NRG1: variants seen among roughly 807,000 people sequenced by gnomAD.
The protein encoded by NRG1 is neuregulin 1.
Under a neutral mutation model 63.8 loss-of-function variants are expected in NRG1, and 18 were observed. The observed-to-expected ratio is 0.28, with a 90% CI of 0.19 to 0.42. NRG1 has a LOEUF of 0.42. Among genes scored for constraint, NRG1 ranks in the 10% least tolerant of loss-of-function variants. NRG1 has a pLI of 1.00. For synonymous variants in NRG1, 302 were observed against 301.3 expected (o/e 1.00, Z -0.02); for missense variants, 762 against 814.7 (o/e 0.94, Z 0.79).
At chr8:31,872,812 G>C (rs1000006121) in intron 1 of NRG1, among the ~76,000 whole-genome samples, 2 of 152,174 alleles carry the variant, frequency 1.3e-5, no homozygotes, top group Admixed American at 6.5e-5. Flanking sequence ...AAATAATGAA[G>C]CATAGTTAAC....
At chr8:32,624,725 A>G (rs1027830882) in intron 5 of NRG1, among the ~76,000 whole-genome samples, 3 of 152,186 alleles carry the variant, frequency 2.0e-5, no homozygotes, top group Admixed American at 1.3e-4. Flanking sequence ...ATTTTGAAAG[A>G]AAGTAGAAAA....
rs189365724 is a variant in NRG1 at position 31,658,516 on chromosome 8, G to A, written c.37+19085G>A. Among the ~76,000 whole-genome samples, 107 of 152,294 alleles carry A rather than the reference G, an allele frequency of 7.0e-4. 2 individuals carry two copies. In the East Asian group the frequency reaches 7.7e-3, roughly 11 times the overall value. ...CTTGCTCTGTTGCCCAGGCTGGAGT[G>A]CAGTGGTGCAATCATGGCTCACTAC... On this transcript the variant is annotated intron_variant, in intron 1 of 10. Coordinates refer to the NRG1 transcript ENST00000519301.
chr8:32,522,022 A>ATAC (rs1202380686), intron 1 of NRG1, among the ~76,000 whole-genome samples: 1 of 152,182 alleles, frequency 6.6e-6, no homozygotes, highest in African/African-American at 2.4e-5. Flanking sequence ...AAAGAAGATG[A>ATAC]TACTCTACAA....
At chr8:31,915,383 A>G (rs543416579) in intron 1 of NRG1, among the ~76,000 whole-genome samples, 4 of 152,118 alleles carry the variant, frequency 2.6e-5, no homozygotes, top group Non-Finnish European at 5.9e-5. Context: ...GCTCTGGTAC[A>G]TGCCTCTTTA....
intron 1 of NRG1, among the ~76,000 whole-genome samples, chr8:32,542,111 C>T (rs1035812530): frequency 6.6e-5 from 10 of 152,058 alleles, no homozygotes; most frequent in African/African-American, 2.4e-4. Context: ...TGACACCTCA[C>T]AAGAATCCAA....
At chr8:32,435,210 A>T (rs1487106737) in intron 1 of NRG1, among the ~76,000 whole-genome samples, 2 of 152,148 alleles carry the variant, frequency 1.3e-5, no homozygotes, top group Non-Finnish European at 2.9e-5. Flanking sequence ...TTGGCTCTGG[A>T]TCTGGAAGCT....
chr8:32,487,250 A>T (rs373445271), intron 1 of NRG1, among the ~76,000 whole-genome samples: 17 of 152,186 alleles, frequency 1.1e-4, no homozygotes, highest in African/African-American at 3.9e-4. Flanking sequence ...GGTAAAAACG[A>T]GTTCTGACTA....
intron 1 of NRG1, among the ~76,000 whole-genome samples, chr8:32,364,075 CTTTTTTTT>C (rs932903875): frequency 3.1e-5 from 2 of 65,520 alleles, no homozygotes; most frequent in African/African-American, 6.2e-5. Context: ...TCTGACTAGT[CTTTTTTTT>C]TTTTTTTTTT....
intron 1 of NRG1, among the ~76,000 whole-genome samples, chr8:32,152,505 G>A (rs868829231): frequency 6.6e-6 from 1 of 152,108 alleles, no homozygotes; most frequent in Admixed American, 6.6e-5. Context: ...TTCAGGAGAC[G>A]ATCAATGATT....
chr8:32,022,647 C>T (rs1442255399), intron 1 of NRG1, among the ~76,000 whole-genome samples: 1 of 152,126 alleles, frequency 6.6e-6, no homozygotes, highest in Non-Finnish European at 1.5e-5. Flanking sequence ...CATTAATTGA[C>T]AACTCCATTT....
At chr8:31,977,357 C>T (rs1429496436) in intron 1 of NRG1, among the ~76,000 whole-genome samples, 1 of 152,074 alleles carries the variant, frequency 6.6e-6, no homozygotes, top group Admixed American at 6.6e-5. Flanking sequence ...GCCTTAAAGT[C>T]TAACTTAGTG....
chr8:32,719,107 G>A (rs912113927), intron 5 of NRG1, among the ~76,000 whole-genome samples: 2 of 152,000 alleles, frequency 1.3e-5, no homozygotes, highest in Admixed American at 6.6e-5. Flanking sequence ...CTCCCCTAGA[G>A]TTTCACTGTT....
chr8:31,931,679 A>C (rs966337023), intron 1 of NRG1, among the ~76,000 whole-genome samples: 1 of 152,170 alleles, frequency 6.6e-6, no homozygotes, highest in East Asian at 1.9e-4. Context: ...AACTTGTGAA[A>C]GATTAAACCT....
At chr8:32,108,358 G>A (rs1308056199) in intron 1 of NRG1, among the ~76,000 whole-genome samples, 8 of 152,162 alleles carry the variant, frequency 5.3e-5, no homozygotes, top group Admixed American at 1.3e-4. Flanking sequence ...CCATCATCTG[G>A]TGAGTACTGC....
chr8:31,716,145 T>G lies in NRG1; in HGVS notation c.37+76714T>G, dbSNP rs1057119825. Among the ~76,000 whole-genome samples the G allele has an allele frequency of 8.5e-5, 13 of 152,200 alleles. No individual in the cohort carries two copies. The East Asian group carries it at 2.3e-3, about 27-fold the overall frequency. On this transcript the variant is annotated intron_variant, in intron 1 of 10. Coordinates refer to the NRG1 transcript ENST00000519301. ...ATGATAGTCAGAGGGAGAAGCTATA[T>G]TAAGTGTGTATTTCAGGAGAGATTG... is the stretch of plus-strand genomic sequence containing the variant.
chr8:32,262,462 T>C (rs1018508596), intron 1 of NRG1, among the ~76,000 whole-genome samples: 2 of 152,210 alleles, frequency 1.3e-5, no homozygotes, highest in Non-Finnish European at 2.9e-5. Context: ...GTTTTGTAGA[T>C]GCTTTGCAGC....
intron 7 of NRG1, among the ~76,000 whole-genome samples, chr8:32,746,819 T>A (rs1004224982): frequency 6.6e-6 from 1 of 150,850 alleles, no homozygotes; most frequent in African/African-American, 2.4e-5. Context: ...GTAGAACAGA[T>A]AGAAAGTAAT....
chr8:32,085,949 C>T (rs906314077), intron 1 of NRG1, among the ~76,000 whole-genome samples: 1 of 152,184 alleles, frequency 6.6e-6, no homozygotes, highest in South Asian at 2.1e-4. Context: ...TGCTTTGCCT[C>T]TTAGCCAGTT....
chr8:31,997,632 G>T (rs1018649226), intron 1 of NRG1, among the ~76,000 whole-genome samples: 6 of 151,950 alleles, frequency 3.9e-5, no homozygotes, highest in African/African-American at 1.4e-4. Context: ...TCAGTGCCAA[G>T]ACTTAAATCT....
Sources: allele counts gnomAD v4.1 joint callset (sites outside exome capture counted in the v4.1 genomes callset), GRCh38; gene constraint gnomAD v4.1.1; transcripts MANE v1.5; gene names NCBI Gene and HGNC (gene_info 2026-07-23, HGNC 2026-07-21).